Variants in CDH23 observed in about 807,000 individuals in gnomAD.
CDH23 encodes the protein cadherin related 23, also known as cadherin-23.
In CDH23, 189 loss-of-function variants were observed where a neutral mutation model predicts 317.1. The observed-to-expected ratio is 0.60, with a 90% CI of 0.53 to 0.67. The LOEUF is 0.67. Among genes scored for constraint, CDH23 ranks in the 30% least tolerant of loss-of-function variants. CDH23 has a pLI of 0.00. For missense variants in CDH23, 4,401 were observed against 4,592.4 expected (o/e 0.96, Z 1.20); for synonymous variants, 1,839 against 1,876.8 (o/e 0.98, Z 0.52).
intron 39 of CDH23, 125 bp downstream of exon 39, chr10:71,778,026 G>T (rs1840858973): frequency 2.1e-6 from 3 of 1,422,440 alleles, no homozygotes; most frequent in Non-Finnish European, 2.9e-6. Context: ...GGGGCACTCA[G>T]TGTGGGAGGA....
chr10:71,746,669 C>T (rs1839859783), intron 38 of CDH23, among the ~76,000 whole-genome samples: 1 of 152,182 alleles, frequency 6.6e-6, no homozygotes, highest in Admixed American at 6.5e-5. Flanking sequence ...GGAGTTAGCC[C>T]AACCTCAGAG....
rs777059624 is a variant in CDH23 at position 71,682,456 on chromosome 10, A to C, written c.1870A>C (p.Ser624Arg). The C allele has an allele frequency of 5.6e-6, 9 of 1,612,012 alleles. No homozygotes were observed. The South Asian group carries it at 8.8e-5, about 16-fold the overall frequency. ...LYEGYGVISV[S>R]RPLDYEQISN... ...TCCTGTCATTGCAGTGATCAGCGTCAGTCGCCCCCTGGATTATGAACAGAT... is the reference window on the plus strand; with the variant it reads ...TCCTGTCATTGCAGTGATCAGCGTCCGTCGCCCCCTGGATTATGAACAGAT... The change falls in exon 18 of 70, where the codon AGT becomes CGT. Residue 624 changes from serine to arginine, a missense_variant. Transcript: ENST00000224721.
In CDH23 at chr10:71,397,434, C is replaced by G. The variant is rs1847572940; in HGVS notation, c.-6+116C>G. 1 of 151,648 alleles carries G rather than the reference C, an allele frequency of 6.6e-6. No homozygotes were observed. The highest frequency in any genetic ancestry group is 2.4e-5 in the African/African-American group (1 of 41,270). 9.4% of individuals were successfully genotyped at this position (151,648 alleles called of 1,614,324 possible). Reference sequence around the variant, plus strand: ...GACCGCGGCTGCCGAACCACTTGTTCCCAGCGCGGCCATCGCCCGTGGCGG... The same window carrying G: ...GACCGCGGCTGCCGAACCACTTGTTGCCAGCGCGGCCATCGCCCGTGGCGG... On this transcript the variant is annotated intron_variant, in intron 1 of 69. Coordinates refer to ENST00000224721, the MANE Select transcript of CDH23 (RefSeq NM_022124.6). This position sits in a 1 kb window ranked among gnomAD's most constrained non-coding sequence, Gnocchi z 4.8.
At chr10:71,706,868 C>T (rs902225105) in intron 25 of CDH23, 29 bp from the exon 26 acceptor site, 1 of 1,569,638 alleles carries the variant, frequency 6.4e-7, no homozygotes, top group Non-Finnish European at 8.6e-7. Context: ...GAAGCCAGGC[C>T]TAGCCCCGGC....
At chr10:71,603,877 C>T (rs945780751) in intron 9 of CDH23, among the ~76,000 whole-genome samples, 15 of 152,206 alleles carry the variant, frequency 9.9e-5, no homozygotes, top group Non-Finnish European at 1.8e-4. Flanking sequence ...TGGCTTCACA[C>T]GGTATTTTGT....
rs1304780719 is a variant in CDH23, at chr10:71,785,603, A to G, written c.5713-28A>G. 7 of 1,422,430 alleles carry G rather than the reference A, an allele frequency of 4.9e-6. No individual in the cohort carries two copies. In the Admixed American group the frequency reaches 7.6e-5, roughly 15 times the overall value. The allele number at this position is 1,422,430 out of a possible 1,614,324, so 88.1% of individuals were successfully genotyped here. On this transcript the variant is annotated intron_variant, in intron 43 of 69. Coordinates refer to ENST00000224721, the MANE Select transcript of CDH23 (RefSeq NM_022124.6). Reference sequence around the variant, plus strand: ...AGTAGAAAGCAGGGAAAAGGTCTCCATGCAGCTCACCACCCTCCACATCCC... The same window carrying G: ...AGTAGAAAGCAGGGAAAAGGTCTCCGTGCAGCTCACCACCCTCCACATCCC...
intron 1 of CDH23, among the ~76,000 whole-genome samples, chr10:71,439,553 C>T (rs944214539): frequency 6.6e-6 from 1 of 152,184 alleles, no homozygotes; most frequent in African/African-American, 2.4e-5. Flanking sequence ...ACAGCCAGTC[C>T]CCCAGGAGGG....
At chr10:71,494,704 G>C (rs1017946612) in intron 3 of CDH23, among the ~76,000 whole-genome samples, 4 of 152,206 alleles carry the variant, frequency 2.6e-5, no homozygotes, top group Non-Finnish European at 1.5e-5. Flanking sequence ...TCTCAGACTT[G>C]TGCAAGTACA....
chr10:71,784,939 C>T lies in CDH23; in HGVS notation c.5551C>T (p.Leu1851=), dbSNP rs1246500131. ...VLDINDNDPV[L]LNLPMNITIS... ...GGACATCAACGACAACGACCCTGTG[C>T]TGCTGAACCTGCCCATGAACATCAC... The change falls in exon 43 of 70, where the codon CTG becomes TTG. Residue 1851 remains leucine, a synonymous_variant. Transcript: ENST00000224721. 1 of 1,614,064 alleles carries T rather than the reference C, an allele frequency of 6.2e-7. No homozygotes were observed.
chr10:71,452,341 C>T (rs532695852), intron 3 of CDH23, among the ~76,000 whole-genome samples: 8 of 152,270 alleles, frequency 5.3e-5, no homozygotes, highest in South Asian at 4.1e-4. Context: ...CAGTGGTAAC[C>T]GCCCGCAGCC....
At chr10:71,613,445 A>G (rs1861019758) in intron 9 of CDH23, among the ~76,000 whole-genome samples, 1 of 152,190 alleles carries the variant, frequency 6.6e-6, no homozygotes, top group Non-Finnish European at 1.5e-5. Flanking sequence ...TTCCGAAGGC[A>G]TAGACTGATA....
At position 71,815,779 on chromosome 10, in the gene CDH23, C is replaced by G. The variant is rs947021894; in HGVS notation, c.*501C>G. On this transcript the variant is annotated 3_prime_UTR_variant, in exon 70 of 70. Transcript: ENST00000224721. ...CTGCTGGACGTCCAGGTGGAGGTGGCATCCCCACGTGGACAAGAAAGTCAA... is the reference window on the plus strand; with the variant it reads ...CTGCTGGACGTCCAGGTGGAGGTGGGATCCCCACGTGGACAAGAAAGTCAA... The G allele has an allele frequency of 6.4e-6, 1 of 157,280 alleles. No individual in the cohort carries two copies. The highest frequency in any genetic ancestry group is 1.4e-5 in the Non-Finnish European group (1 of 71,172). The allele number at this position is 157,280 out of a possible 1,614,324, so 9.7% of individuals were successfully genotyped here.
intron 3 of CDH23, among the ~76,000 whole-genome samples, chr10:71,508,921 T>C (rs1853797800): frequency 6.6e-6 from 1 of 152,224 alleles, no homozygotes; most frequent in Non-Finnish European, 1.5e-5. Context: ...TTTTAGCACA[T>C]GTGCTGGGAA....
intron 38 of CDH23, among the ~76,000 whole-genome samples, chr10:71,773,865 G>A (rs1840752535): frequency 6.6e-6 from 1 of 152,172 alleles, no homozygotes; most frequent in Admixed American, 6.5e-5. Context: ...GTGATCTGGG[G>A]ACAGAGACTT....
At chr10:71,501,886 G>C (rs1853354725) in intron 3 of CDH23, among the ~76,000 whole-genome samples, 1 of 152,178 alleles carries the variant, frequency 6.6e-6, no homozygotes, top group Admixed American at 6.5e-5. Context: ...TGTGCAGCAG[G>C]CTTGATGGCC....
intron 28 of CDH23, chr10:71,713,094 A>T: frequency 1.3e-6 from 1 of 764,764 alleles, no homozygotes; most frequent in East Asian, 2.5e-5. Context: ...CCCACCCAGA[A>T]GGGCCTTTCA....
intron 22 of CDH23, among the ~76,000 whole-genome samples, chr10:71,699,548 G>A (rs146081612): frequency 2.9e-3 from 443 of 152,332 alleles, no homozygotes; most frequent in Non-Finnish European, 4.9e-3. Flanking sequence ...GTGCGCTGGC[G>A]GAGTGGCCGT....
intron 22 of CDH23, among the ~76,000 whole-genome samples, chr10:71,697,476 A>G (rs74977857): frequency 0.019 from 2,846 of 152,224 alleles, 71 homozygotes; most frequent in African/African-American, 0.063. Context: ...TGAGACCAGT[A>G]TGGGCAACAT....
chr10:71,441,293 A>G (rs1316450377), intron 2 of CDH23, among the ~76,000 whole-genome samples: 1 of 152,022 alleles, frequency 6.6e-6, no homozygotes, highest in Non-Finnish European at 1.5e-5. Flanking sequence ...GGCTCCTGAG[A>G]GCAGCCGTGG....
Sources: gnomAD v4.1 joint callset for allele counts (sites outside exome capture counted in the v4.1 genomes callset) on GRCh38, gnomAD v4.1.1 for gene constraint, Gnocchi (gnomAD v3.1) non-coding constraint, MANE v1.5 for transcripts, NCBI Gene and HGNC (gene_info 2026-07-23, HGNC 2026-07-21) for gene names.